Variants in LRP1B observed in about 807,000 individuals in gnomAD.
LRP1B encodes LDL receptor related protein 1B, also known as low-density lipoprotein receptor-related protein 1B.
Under a neutral mutation model 556.6 loss-of-function variants are expected in LRP1B, and 217 were observed. The observed-to-expected ratio is 0.39, with a 90% confidence interval of 0.35 to 0.44. The LOEUF is 0.44. LRP1B is among the 20% of genes least tolerant of loss of function. The probability of loss-of-function intolerance (pLI) is 1.00; values close to 1 mark genes in which losing one functional copy is unlikely to be tolerated. For missense variants in LRP1B, 5,053 were observed against 5,620.8 expected (o/e 0.90, Z 3.23); for synonymous variants, 2,047 against 1,865.8 (o/e 1.10, Z -2.50).
intron 1 of LRP1B, among the ~76,000 whole-genome samples, chr2:141,905,574 G>C (rs1699730852): frequency 6.6e-6 from 1 of 151,636 alleles, no homozygotes; most frequent in Admixed American, 6.6e-5. Flanking sequence ...ATAAACTTAA[G>C]CATGATTGGA....
At chr2:141,800,464 T>C (rs962748525) in intron 2 of LRP1B, among the ~76,000 whole-genome samples, 1 of 152,198 alleles carries the variant, frequency 6.6e-6, no homozygotes, top group Non-Finnish European at 1.5e-5. Flanking sequence ...TTAGAAAATA[T>C]TGCCTCCTCT....
rs534947662 is a variant in LRP1B, at chr2:141,300,710, G to A, written c.344-46069C>T. 1.1e-4 allele frequency among the ~76,000 whole-genome samples: 17 copies of A among 152,242 alleles called. No individual in the cohort carries two copies. The East Asian group carries it at 1.7e-3, about 16-fold the overall frequency. On this transcript the variant is annotated intron_variant, in intron 3 of 90. Transcript: ENST00000389484. Reference sequence around the variant, plus strand: ...CGCTCTTGCTCTGGCTGTGTAGGACGTGCATGCTTCACCTTTGCTTCCACC... The same window carrying A: ...CGCTCTTGCTCTGGCTGTGTAGGACATGCATGCTTCACCTTTGCTTCCACC...
At chr2:140,678,665 T>C (rs776637410) in intron 41 of LRP1B, among the ~76,000 whole-genome samples, 1 of 152,112 alleles carries the variant, frequency 6.6e-6, no homozygotes, top group East Asian at 1.9e-4. Flanking sequence ...ATACCAGCGA[T>C]GGGGTTGCTT....
chr2:141,578,491 T>A (rs1327718253), intron 2 of LRP1B, among the ~76,000 whole-genome samples: 1 of 151,968 alleles, frequency 6.6e-6, no homozygotes, highest in Non-Finnish European at 1.5e-5. Flanking sequence ...GAATGCTAGA[T>A]GAGAAGTGAC....
rs139925061 is a variant in LRP1B, at chr2:140,668,818, A to C, written c.6799+31432T>G. On this transcript the variant is annotated intron_variant, in intron 41 of 90. Transcript: ENST00000389484. The stretch of plus-strand genomic sequence containing the variant: ...CACAAAGGGGTCTGTGAAACTGACC[A>C]GCACTTATACAAAGAAAAATAAAAA... 2.0e-5 allele frequency among the ~76,000 whole-genome samples: 3 copies of C among 152,106 alleles called. No homozygotes were observed. The East Asian group carries it at 5.8e-4, about 30-fold the overall frequency.
At chr2:140,647,012 T>C (rs1011142554) in intron 41 of LRP1B, among the ~76,000 whole-genome samples, 1 of 152,140 alleles carries the variant, frequency 6.6e-6, no homozygotes. Context: ...ATCAAATTTA[T>C]ACTCTAGAGA....
intron 1 of LRP1B, among the ~76,000 whole-genome samples, chr2:142,086,974 G>T (rs187985354): frequency 9.5e-4 from 144 of 151,984 alleles, no homozygotes; most frequent in Non-Finnish European, 1.6e-3. Flanking sequence ...TGCCTAATCT[G>T]ATTAATTTGT....
At chr2:140,485,546 G>C (rs1688430634) in intron 58 of LRP1B, 22 bp from the exon 59 acceptor site, 2 of 1,583,968 alleles carry the variant, frequency 1.3e-6, no homozygotes, top group Non-Finnish European at 1.7e-6. Flanking sequence ...GAATTTAAAA[G>C]GTTAACAGCG....
chr2:141,950,380 G>T (rs1701074010), intron 1 of LRP1B, among the ~76,000 whole-genome samples: 1 of 152,130 alleles, frequency 6.6e-6, no homozygotes, highest in African/African-American at 2.4e-5. Context: ...ATAAATGGTT[G>T]TTAGGTAACT....
intron 1 of LRP1B, among the ~76,000 whole-genome samples, chr2:142,035,661 CT>C (rs952213807): frequency 2.6e-5 from 4 of 151,580 alleles, no homozygotes; most frequent in African/African-American, 7.3e-5. Context: ...TTAACAACAA[CT>C]TTTTTTCTGG....
intron 1 of LRP1B, among the ~76,000 whole-genome samples, chr2:141,917,793 G>A (rs932739010): frequency 6.6e-6 from 1 of 152,100 alleles, no homozygotes; most frequent in Non-Finnish European, 1.5e-5. Context: ...TCTTTAAATG[G>A]TGTTCAGATA....
chr2:141,439,501 AAC>A (rs1680881688), intron 3 of LRP1B, among the ~76,000 whole-genome samples: 1 of 151,942 alleles, frequency 6.6e-6, no homozygotes, highest in South Asian at 2.1e-4. Flanking sequence ...TATAAGTAAT[AAC>A]ACATAAAACT....
At chr2:141,241,519 T>C (rs113675804) in intron 5 of LRP1B, among the ~76,000 whole-genome samples, 28 of 152,222 alleles carry the variant, frequency 1.8e-4, no homozygotes, top group African/African-American at 6.5e-4. Context: ...ATACCAAAGC[T>C]AGAGTCAGCC....
At chr2:141,006,585 A>G (rs1405909193) in intron 14 of LRP1B, among the ~76,000 whole-genome samples, 3 of 152,154 alleles carry the variant, frequency 2.0e-5, no homozygotes, top group East Asian at 1.9e-4. Context: ...GCATCCTTAC[A>G]CAAACCGAGA....
In LRP1B at chr2:141,928,763, C is replaced by G. The variant is rs180859095; in HGVS notation, c.83-118362G>C. Among the ~76,000 whole-genome samples, 15 of 152,226 alleles carry G rather than the reference C, an allele frequency of 9.9e-5. No individual in the cohort carries two copies. In the East Asian group the frequency reaches 2.9e-3, roughly 29 times the overall value. ...TCTTGAAATAGAATCAAAAGTACAACTCAAAGACTGGAGCAGGAAAGGCAG... is the reference window on the plus strand; with the variant it reads ...TCTTGAAATAGAATCAAAAGTACAAGTCAAAGACTGGAGCAGGAAAGGCAG... On this transcript the variant is annotated intron_variant, in intron 1 of 90. Transcript: ENST00000389484.
chr2:140,444,812 G>A (rs1054731456), intron 63 of LRP1B, 133 bp from the exon 64 acceptor site: 15 of 619,568 alleles, frequency 2.4e-5, no homozygotes, highest in African/African-American at 1.5e-4. Context: ...CTCTCATCTC[G>A]ATAGCTATTA....
In LRP1B at chr2:141,041,707, G is replaced by A. The variant is rs138812677; in HGVS notation, c.1789+7279C>T. Among the ~76,000 whole-genome samples, 169 of 152,180 alleles carry A rather than the reference G, an allele frequency of 1.1e-3. 1 individual carries two copies. Among genetic ancestry groups the A allele is most frequent in the African/African-American group, 3.5e-3 (146 of 41,556 alleles). ...TATGGTTAACACTAATTTGGTGTAC[G>A]TTTTCAAAACATTACAAAGAAGATT... On this transcript the variant is annotated intron_variant, in intron 11 of 90. Transcript: ENST00000389484.
chr2:140,270,971 G>A (rs947828008), intron 85 of LRP1B, among the ~76,000 whole-genome samples: 29 of 151,884 alleles, frequency 1.9e-4, no homozygotes, highest in Admixed American at 3.3e-4. Flanking sequence ...GGAACAATGT[G>A]CAATATGGCA....
intron 32 of LRP1B, among the ~76,000 whole-genome samples, chr2:140,802,240 A>G (rs976094134): frequency 2.0e-5 from 3 of 152,176 alleles, no homozygotes; most frequent in Admixed American, 1.3e-4. Context: ...CAAAATCACT[A>G]GGGACTATTA....
Sources: allele counts gnomAD v4.1 joint callset (sites outside exome capture counted in the v4.1 genomes callset), GRCh38; gene constraint gnomAD v4.1.1; transcripts MANE v1.5; gene names NCBI Gene and HGNC (gene_info 2026-07-23, HGNC 2026-07-21).